The following TENM4 variants were observed in gnomAD, a reference collection of about 807,000 sequenced individuals.
TENM4 encodes the protein teneurin-4.
A neutral mutation model predicts 243.3 loss-of-function variants in TENM4; 82 were observed. The ratio of observed to expected loss-of-function variants is 0.34; its 90% CI spans 0.28 to 0.40. TENM4 has a LOEUF of 0.40. Among genes scored for constraint, TENM4 ranks in the 10% least tolerant of loss-of-function variants. The probability of loss-of-function intolerance (pLI) is 1.00; values close to 1 mark genes in which losing one functional copy is unlikely to be tolerated. For synonymous variants in TENM4, 1,412 were observed against 1,456.3 expected (o/e 0.97, Z 0.69); for missense variants, 3,138 against 3,673.3 (o/e 0.85, Z 3.77).
intron 6 of TENM4, among the ~76,000 whole-genome samples, chr11:78,964,432 A>C (rs953224504): frequency 3.3e-5 from 5 of 152,170 alleles, no homozygotes; most frequent in African/African-American, 1.2e-4. Flanking sequence ...TGGCTGGTTG[A>C]TATTAGAAAT....
chr11:79,138,046 A>T (rs990344956), intron 4 of TENM4, among the ~76,000 whole-genome samples: 3 of 151,802 alleles, frequency 2.0e-5, no homozygotes, highest in Admixed American at 1.3e-4. Context: ...TGGGAAAAGC[A>T]GACCCACACT....
chr11:79,074,736 A>C (rs1860495293), intron 4 of TENM4, among the ~76,000 whole-genome samples: 1 of 152,230 alleles, frequency 6.6e-6, no homozygotes, highest in Non-Finnish European at 1.5e-5. Flanking sequence ...GGGCAGGGTC[A>C]CATTAGGTGA....
intron 9 of TENM4, among the ~76,000 whole-genome samples, chr11:78,866,648 C>T (rs996023678): frequency 6.6e-5 from 10 of 152,076 alleles, no homozygotes; most frequent in Non-Finnish European, 1.2e-4. Context: ...CTCCACTGTA[C>T]CCCCCTGGCA....
chr11:79,165,962 T>C (rs1362002053), intron 3 of TENM4, among the ~76,000 whole-genome samples: 3 of 152,234 alleles, frequency 2.0e-5, no homozygotes, highest in Non-Finnish European at 4.4e-5. Context: ...TATTTGGCTT[T>C]ATTTCTGGGT....
chr11:79,169,878 T>A (rs1320336065), intron 3 of TENM4, among the ~76,000 whole-genome samples: 1 of 152,150 alleles, frequency 6.6e-6, no homozygotes, highest in Non-Finnish European at 1.5e-5. Context: ...GTGGATAGAG[T>A]AAGAAATCTC....
intron 6 of TENM4, among the ~76,000 whole-genome samples, chr11:78,955,467 C>A (rs568487748): frequency 2.0e-5 from 3 of 152,204 alleles, no homozygotes; most frequent in Non-Finnish European, 4.4e-5. Flanking sequence ...AACAGGGTCA[C>A]AAACTAGGCT....
At position 79,438,961 on chromosome 11, in the gene TENM4, C is replaced by G. The variant is rs939956558; in HGVS notation, c.-321+1548G>C. The G allele has an allele frequency of 6.6e-6, 1 of 151,966 alleles. No individual in the cohort carries two copies. The highest frequency in any genetic ancestry group is 2.4e-5 in the African/African-American group (1 of 41,376). The allele number at this position is 151,966 out of a possible 1,614,324, so 9.4% of individuals were successfully genotyped here. ...CGGGGTGGGGGCGCCCCGGTACTTACACTCCCCAAGCAGGCAAACTTTCAG... is the reference window on the plus strand; with the variant it reads ...CGGGGTGGGGGCGCCCCGGTACTTAGACTCCCCAAGCAGGCAAACTTTCAG... On this transcript the variant is annotated intron_variant, in intron 1 of 33. Coordinates refer to ENST00000278550, the MANE Select transcript of TENM4 (RefSeq NM_001098816.3). The surrounding 1 kb of genome is among the most constrained non-coding windows in gnomAD (Gnocchi z 4.1).
intron 1 of TENM4, among the ~76,000 whole-genome samples, chr11:79,299,910 G>A (rs980558346): frequency 2.0e-5 from 3 of 152,184 alleles, no homozygotes; most frequent in Non-Finnish European, 4.4e-5. Context: ...CCATAGAACT[G>A]GGTTGGGCTT....
At chr11:78,743,663 T>C (rs1202088624) in intron 19 of TENM4, among the ~76,000 whole-genome samples, 1 of 152,158 alleles carries the variant, frequency 6.6e-6, no homozygotes, top group Non-Finnish European at 1.5e-5. Flanking sequence ...TGCCTCAGCC[T>C]AGCCCTGACC....
chr11:79,404,213 A>G (rs1277200320), intron 1 of TENM4, among the ~76,000 whole-genome samples: 1 of 152,260 alleles, frequency 6.6e-6, no homozygotes, highest in Admixed American at 6.5e-5. Context: ...TGCTTTTTAA[A>G]TGAATTCACA....
In TENM4 at chr11:79,435,568, A is replaced by G. The variant is rs1477974623; in HGVS notation, c.-321+4941T>C. On this transcript the variant is annotated intron_variant, in intron 1 of 33. Transcript: ENST00000278550. Reference sequence around the variant, plus strand: ...TCTGCAAGGAGGTGATTTAAATCCTATTCTTCTTTTGTTTAACTTTTTAGA... The same window carrying G: ...TCTGCAAGGAGGTGATTTAAATCCTGTTCTTCTTTTGTTTAACTTTTTAGA... Among the ~76,000 whole-genome samples, 9 of 152,210 alleles carry G rather than the reference A, an allele frequency of 5.9e-5. No individual in the cohort carries two copies. In the South Asian group the frequency reaches 1.9e-3, roughly 31 times the overall value.
chr11:78,732,235 C>T lies in TENM4; in HGVS notation c.3138+81G>A. 5 of 1,512,988 alleles carry T rather than the reference C, an allele frequency of 3.3e-6. No individual in the cohort carries two copies. In the Admixed American group the frequency reaches 6.7e-5, roughly 20 times the overall value. The allele number at this position is 1,512,988 out of a possible 1,614,324, so 93.7% of individuals were successfully genotyped here. ...CAAGCCCTACAGAGGTGTTTTTTCTCTTTCCACTGTCTCTGAGATCCTCCT... is the reference window on the plus strand; with the variant it reads ...CAAGCCCTACAGAGGTGTTTTTTCTTTTTCCACTGTCTCTGAGATCCTCCT... On this transcript the variant is annotated intron_variant, in intron 21 of 33. Transcript: ENST00000278550.
intron 1 of TENM4, among the ~76,000 whole-genome samples, chr11:79,341,763 T>C (rs188365984): frequency 6.6e-6 from 1 of 152,328 alleles, no homozygotes; most frequent in East Asian, 1.9e-4. Context: ...CTAGAACTTT[T>C]CATCAAACTA....
At chr11:78,986,905 C>A (rs2136647522) in intron 6 of TENM4, among the ~76,000 whole-genome samples, 1 of 152,298 alleles carries the variant, frequency 6.6e-6, no homozygotes, top group Non-Finnish European at 1.5e-5. Context: ...AAGCAAATCA[C>A]TTAACCTCTG....
At chr11:78,940,008 G>C (rs1435383218) in intron 6 of TENM4, among the ~76,000 whole-genome samples, 4 of 151,250 alleles carry the variant, frequency 2.6e-5, no homozygotes, top group African/African-American at 4.9e-5. Context: ...AAAGTACAAA[G>C]GAAAAAAATG....
chr11:79,294,343 C>G (rs932678427), intron 2 of TENM4, among the ~76,000 whole-genome samples: 1 of 152,158 alleles, frequency 6.6e-6, no homozygotes, highest in Non-Finnish European at 1.5e-5. Context: ...AAGGCTACTA[C>G]CAGCCCCGTT....
At chr11:78,781,118 GGC>G (rs1856830848) in intron 16 of TENM4, among the ~76,000 whole-genome samples, 1 of 152,180 alleles carries the variant, frequency 6.6e-6, no homozygotes, top group Non-Finnish European at 1.5e-5. Flanking sequence ...ATTTATAAAA[GGC>G]ATATGCGGAA....
At chr11:79,340,959 G>T (rs559680628) in intron 1 of TENM4, among the ~76,000 whole-genome samples, 3 of 152,286 alleles carry the variant, frequency 2.0e-5, no homozygotes, top group Non-Finnish European at 4.4e-5. Context: ...TTATCCAGGT[G>T]GGCCCAGTGT....
At chr11:79,312,825 T>C (rs1294842589) in intron 1 of TENM4, among the ~76,000 whole-genome samples, 1 of 152,218 alleles carries the variant, frequency 6.6e-6, no homozygotes, top group Non-Finnish European at 1.5e-5. Context: ...ACTAGCATAT[T>C]CTGAAGTGGG....
Sources: allele counts gnomAD v4.1 joint callset (sites outside exome capture counted in the v4.1 genomes callset), GRCh38; gene constraint gnomAD v4.1.1; non-coding constraint Gnocchi (gnomAD v3.1); transcripts MANE v1.5; gene names NCBI Gene and HGNC (gene_info 2026-07-23, HGNC 2026-07-21).